The following LINC00632 variants were observed in gnomAD, a reference collection of about 807,000 sequenced individuals.
LINC00632 encodes the protein ALDOA related specific transcript.
exon 5 of LINC00632, among the ~76,000 whole-genome samples, chrX:140,776,496 C>T (rs1025234390): frequency 8.8e-6 from 1 of 113,067 alleles, no homozygotes; most frequent in Non-Finnish European, 1.9e-5. Context: ...TGTCCCTCTT[C>T]CTTCCTTCCT....
chrX:140,744,873 G>A (rs1051128936), intron 3 of LINC00632, among the ~76,000 whole-genome samples: 1 of 110,379 alleles, frequency 9.1e-6, no homozygotes, highest in Non-Finnish European at 1.9e-5. Context: ...ATGAGCCACC[G>A]CATCCAGCTG....
At chrX:140,710,759 G>A (rs192719427) in intron 1 of LINC00632, among the ~76,000 whole-genome samples, 21 of 111,241 alleles carry the variant, frequency 1.9e-4, no homozygotes, top group Admixed American at 1.6e-3. Flanking sequence ...AGATGACAAA[G>A]CAGCAGCAAT....
chrX:140,783,541 C>A, exon 5 of LINC00632: 1 of 1,161,643 alleles, frequency 8.6e-7, no homozygotes, highest in Non-Finnish European at 1.2e-6. Context: ...TCCACCAAAT[C>A]CAAGTCTTCC....
chrX:140,766,018 C>A (rs769333050), intron 3 of LINC00632, among the ~76,000 whole-genome samples: 1 of 111,696 alleles, frequency 9.0e-6, no homozygotes, highest in Non-Finnish European at 1.9e-5. Flanking sequence ...AAGAAAAGGG[C>A]ACATGTGATC....
chrX:140,772,212 A>G (rs1006700899), exon 4 of LINC00632: 4 of 294,184 alleles, frequency 1.4e-5, no homozygotes, highest in Non-Finnish European at 1.8e-5. Context: ...TTGGAACGAT[A>G]TGCAAGTTCA....
chrX:140,723,645 C>CAT (rs1930801017), intron 2 of LINC00632, among the ~76,000 whole-genome samples: 1 of 19,840 alleles, frequency 5.0e-5, no homozygotes, highest in African/African-American at 3.3e-4. Flanking sequence ...ACACACATTC[C>CAT]ATACACACAC....
At chrX:140,738,746 TA>T (rs918078326) in intron 3 of LINC00632, among the ~76,000 whole-genome samples, 3 of 112,352 alleles carry the variant, frequency 2.7e-5, no homozygotes, top group African/African-American at 9.7e-5. Context: ...GATATAGAAT[TA>T]AATAGTACAT....
chrX:140,774,479 A>G (rs1190238224), exon 5 of LINC00632, among the ~76,000 whole-genome samples: 1 of 111,762 alleles, frequency 8.9e-6, no homozygotes, highest in East Asian at 2.8e-4. Flanking sequence ...GAAACGCCGC[A>G]CACAGATAGT....
exon 5 of LINC00632, among the ~76,000 whole-genome samples, chrX:140,789,358 A>C (rs144689376): frequency 0.11 from 12,464 of 110,358 alleles, 693 homozygotes; most frequent in Non-Finnish European, 0.17. Flanking sequence ...AATTCTTTCC[A>C]CATTAGATCT....
chrX:140,723,877 T>C (rs769995460), intron 2 of LINC00632, among the ~76,000 whole-genome samples: 63 of 4,215 alleles, frequency 0.015, no homozygotes, highest in African/African-American at 0.036. Flanking sequence ...ACACCTTCCA[T>C]AGCAACAGAC....
intron 3 of LINC00632, among the ~76,000 whole-genome samples, chrX:140,763,227 C>G (rs1931630594): frequency 9.1e-6 from 1 of 110,394 alleles, no homozygotes; most frequent in African/African-American, 3.3e-5. Context: ...GAAACCCCGT[C>G]TCTATTAAAA....
chrX:140,739,839 A>G (rs998349388), intron 3 of LINC00632, among the ~76,000 whole-genome samples: 1 of 111,116 alleles, frequency 9.0e-6, no homozygotes, highest in Non-Finnish European at 1.9e-5. Context: ...AAAAATATGC[A>G]TCCTAGAATT....
At chrX:140,721,029 C>A (rs779780790) in intron 2 of LINC00632, among the ~76,000 whole-genome samples, 7 of 111,184 alleles carry the variant, frequency 6.3e-5, no homozygotes, top group African/African-American at 2.0e-4. Context: ...CCCATGTCAC[C>A]AGACTTACGT....
chrX:140,764,940 T>C (rs977996793), intron 3 of LINC00632, among the ~76,000 whole-genome samples: 3 of 110,779 alleles, frequency 2.7e-5, no homozygotes, highest in African/African-American at 6.6e-5. Flanking sequence ...CGGTGGTAAA[T>C]AGGGCAAAAC....
intron 2 of LINC00632, among the ~76,000 whole-genome samples, chrX:140,719,447 C>A (rs905277009): frequency 9.0e-6 from 1 of 110,606 alleles, no homozygotes; most frequent in African/African-American, 3.3e-5. Context: ...TACAGGTGTG[C>A]ACCACCACGC....
chrX:140,776,508 C>T (rs1425284928), exon 5 of LINC00632, among the ~76,000 whole-genome samples: 1 of 112,996 alleles, frequency 8.8e-6, no homozygotes, highest in Non-Finnish European at 1.9e-5. Flanking sequence ...TTCCTTCCTC[C>T]CGCCACCCGC....
intron 2 of LINC00632, among the ~76,000 whole-genome samples, chrX:140,730,049 G>A (rs1931032907): frequency 9.1e-6 from 1 of 109,547 alleles, no homozygotes; most frequent in Non-Finnish European, 1.9e-5. Flanking sequence ...ACTAATTTTT[G>A]TATTTTTAGT....
intron 1 of LINC00632, among the ~76,000 whole-genome samples, chrX:140,710,466 A>T (rs1930492264): frequency 9.0e-6 from 1 of 111,349 alleles, no homozygotes; most frequent in Non-Finnish European, 1.9e-5. Flanking sequence ...ATTGGAAAAA[A>T]TTAATTTGTA....
chrX:140,768,444 G>T (rs1931727514), intron 3 of LINC00632, among the ~76,000 whole-genome samples: 1 of 107,149 alleles, frequency 9.3e-6, no homozygotes, highest in African/African-American at 3.4e-5. Flanking sequence ...CTATACAATA[G>T]AAGTGCAATA....
Sources: gnomAD v4.1 joint callset for allele counts (sites outside exome capture counted in the v4.1 genomes callset) on GRCh38, gnomAD v4.1.1 for gene constraint, MANE v1.5 for transcripts, NCBI Gene and HGNC (gene_info 2026-07-23, HGNC 2026-07-21) for gene names.